The following FSHR variants were observed in gnomAD, a reference collection of about 807,000 sequenced individuals.
The protein encoded by FSHR is follicle stimulating hormone receptor, also known as follicle-stimulating hormone receptor.
Under a neutral mutation model 52.1 loss-of-function variants are expected in FSHR, and 46 were observed. The observed-to-expected ratio is 0.88, with a 90% CI of 0.70 to 1.13. The LOEUF is 1.13. Ranked by LOEUF, FSHR falls within the 50% of genes most tolerant of loss-of-function variation. FSHR has a pLI of 0.00. For synonymous variants in FSHR, 399 were observed against 309.6 expected (o/e 1.29, Z -3.03); for missense variants, 964 against 834.6 (o/e 1.16, Z -1.91).
At chr2:49,115,220 G>A (rs374373241) in intron 1 of FSHR, among the ~76,000 whole-genome samples, 8 of 151,408 alleles carry the variant, frequency 5.3e-5, no homozygotes, top group South Asian at 2.1e-4. Context: ...AGAGATTGTC[G>A]CATTTGGACA....
At chr2:49,057,438 A>G (rs1408910016) in intron 2 of FSHR, among the ~76,000 whole-genome samples, 3 of 152,180 alleles carry the variant, frequency 2.0e-5, no homozygotes, top group Non-Finnish European at 4.4e-5. Context: ...GAAAACCTGG[A>G]TAAAGTCCTA....
At chr2:49,125,283 G>A (rs12473833) in intron 1 of FSHR, among the ~76,000 whole-genome samples, 38,077 of 151,726 alleles carry the variant, frequency 0.25, 5,156 homozygotes, top group East Asian at 0.47. Flanking sequence ...TGGGCCACAC[G>A]TAAACTACAC....
intron 1 of FSHR, among the ~76,000 whole-genome samples, chr2:49,144,616 G>A (rs1360684010): frequency 7.4e-6 from 1 of 135,426 alleles, no homozygotes; most frequent in African/African-American, 2.8e-5. Flanking sequence ...AATGTTTCTT[G>A]TTGCATTTTC....
intron 8 of FSHR, among the ~76,000 whole-genome samples, chr2:48,978,861 C>T (rs1675111218): frequency 6.6e-6 from 1 of 152,168 alleles, no homozygotes; most frequent in South Asian, 2.1e-4. Context: ...CAAATTTTGC[C>T]TTCAGGAAAG....
At chr2:49,113,692 C>A (rs558973129) in intron 1 of FSHR, among the ~76,000 whole-genome samples, 1 of 152,048 alleles carries the variant, frequency 6.6e-6, no homozygotes. Context: ...CTATTAGAGA[C>A]GTAGCATCTG....
chr2:49,150,087 A>G (rs936893979), intron 1 of FSHR, among the ~76,000 whole-genome samples: 1 of 152,002 alleles, frequency 6.6e-6, no homozygotes, highest in African/African-American at 2.4e-5. Context: ...CAGGAAGAAT[A>G]AAGTAAGATC....
At chr2:49,029,987 G>A (rs1254013133) in intron 2 of FSHR, among the ~76,000 whole-genome samples, 2 of 152,178 alleles carry the variant, frequency 1.3e-5, no homozygotes, top group Admixed American at 1.3e-4. Flanking sequence ...GGTGAGGCGG[G>A]GCTCCATGCC....
intron 2 of FSHR, among the ~76,000 whole-genome samples, chr2:49,055,442 G>A (rs1213209571): frequency 2.1e-5 from 3 of 141,272 alleles, no homozygotes; most frequent in African/African-American, 7.8e-5. Flanking sequence ...GAAGAGAAAG[G>A]AAAAGGCATA....
intron 4 of FSHR, among the ~76,000 whole-genome samples, chr2:48,998,607 C>T (rs1348499636): frequency 2.0e-5 from 3 of 151,866 alleles, no homozygotes; most frequent in Admixed American, 6.6e-5. Context: ...AATTTTACAA[C>T]AGTATTTGCA....
chr2:49,070,937 G>A (rs2103625006), intron 1 of FSHR, among the ~76,000 whole-genome samples: 1 of 152,258 alleles, frequency 6.6e-6, no homozygotes, highest in East Asian at 1.9e-4. Flanking sequence ...AATACCAGAT[G>A]GAACCCTGAG....
intron 4 of FSHR, among the ~76,000 whole-genome samples, chr2:49,001,781 A>G (rs1051060059): frequency 2.6e-5 from 4 of 152,128 alleles, no homozygotes; most frequent in Non-Finnish European, 4.4e-5. Flanking sequence ...TCCACATTCT[A>G]AATCTCTCTA....
intron 2 of FSHR, among the ~76,000 whole-genome samples, chr2:49,032,761 G>C (rs1307225559): frequency 6.6e-6 from 1 of 152,186 alleles, no homozygotes; most frequent in Non-Finnish European, 1.5e-5. Flanking sequence ...CATCTCCTGA[G>C]CTGGTGTTCC....
chr2:49,148,239 AG>A (rs1381674810), intron 1 of FSHR, among the ~76,000 whole-genome samples: 3 of 152,026 alleles, frequency 2.0e-5, no homozygotes, highest in African/African-American at 7.2e-5. Context: ...CTTTTAACTC[AG>A]TAGACCTTGT....
chr2:49,130,908 A>T (rs911776942), intron 1 of FSHR, among the ~76,000 whole-genome samples: 4 of 152,332 alleles, frequency 2.6e-5, no homozygotes, highest in Admixed American at 2.6e-4. Context: ...AGTTCAAACT[A>T]CAGCAAAATA....
intron 1 of FSHR, among the ~76,000 whole-genome samples, chr2:49,121,016 T>C (rs1260152532): frequency 6.6e-6 from 1 of 152,264 alleles, no homozygotes; most frequent in Non-Finnish European, 1.5e-5. Context: ...GACTTTCAGA[T>C]AGCAAGTGAT....
chr2:49,076,089 AT>A (rs1429152474), intron 1 of FSHR, among the ~76,000 whole-genome samples: 3 of 152,236 alleles, frequency 2.0e-5, no homozygotes, highest in Non-Finnish European at 4.4e-5. Flanking sequence ...CCCTAAAAAA[AT>A]AAGGTCAGTA....
intron 4 of FSHR, among the ~76,000 whole-genome samples, chr2:48,996,684 C>G (rs1676037280): frequency 6.6e-6 from 1 of 152,032 alleles, no homozygotes; most frequent in Non-Finnish European, 1.5e-5. Context: ...AGCATGACAG[C>G]TGAAACGAGG....
At chr2:49,089,048 A>G (rs1172994163) in intron 1 of FSHR, among the ~76,000 whole-genome samples, 2 of 150,646 alleles carry the variant, frequency 1.3e-5, no homozygotes, top group African/African-American at 5.0e-5. Flanking sequence ...AGAAAAGTGA[A>G]GAAGACTTAG....
At chr2:48,973,430 G>T (rs1470514528) in intron 8 of FSHR, among the ~76,000 whole-genome samples, 4 of 152,188 alleles carry the variant, frequency 2.6e-5, no homozygotes, top group African/African-American at 9.6e-5. Context: ...CCAAATGTCT[G>T]ACACAAAATT....
Sources: gnomAD v4.1 joint callset for allele counts (sites outside exome capture counted in the v4.1 genomes callset) on GRCh38, gnomAD v4.1.1 for gene constraint, MANE v1.5 for transcripts, NCBI Gene and HGNC (gene_info 2026-07-23, HGNC 2026-07-21) for gene names.